Variants in SEM1 observed in about 807,000 individuals in gnomAD.
SEM1 encodes SEM1 26S proteasome subunit, also known as 26S proteasome complex subunit SEM1.
A neutral mutation model predicts 12.7 loss-of-function variants in SEM1; 3 were observed. That is an observed-to-expected ratio of 0.24 (90% CI 0.11 to 0.61). The LOEUF (loss-of-function observed/expected upper bound fraction) is 0.61. Ranked by LOEUF, SEM1 falls within the 20% of genes least tolerant of loss-of-function variation. The pLI is 0.88. For synonymous variants in SEM1, 30 were observed against 27.8 expected, an observed-to-expected ratio of 1.08 and a Z score of -0.25; for missense variants, 59 against 81.3, an observed-to-expected ratio of 0.73 and a Z score of 1.06.
intron 2 of SEM1, among the ~76,000 whole-genome samples, chr7:96,599,710 C>G (rs1455711110): frequency 2.6e-5 from 4 of 152,202 alleles, no homozygotes; most frequent in Non-Finnish European, 5.9e-5. Context: ...TCCTGCCCTT[C>G]TGACCCACAC....
chr7:96,619,581 T>C (rs1449418473), downstream of SEM1, among the ~76,000 whole-genome samples: 1 of 152,116 alleles, frequency 6.6e-6, no homozygotes, highest in Non-Finnish European at 1.5e-5. Context: ...TCCAGGTGGC[T>C]TGCTTGGAAG....
chr7:96,528,379 A>G (rs1804537612), intron 2 of SEM1, among the ~76,000 whole-genome samples: 1 of 152,036 alleles, frequency 6.6e-6, no homozygotes, highest in Non-Finnish European at 1.5e-5. Flanking sequence ...TTTACTAGAG[A>G]CTGGGTTTCA....
intron 2 of SEM1, among the ~76,000 whole-genome samples, chr7:96,516,650 C>T (rs572253674): frequency 6.6e-6 from 1 of 152,278 alleles, no homozygotes; most frequent in East Asian, 1.9e-4. Flanking sequence ...TAAAATGGTA[C>T]AGCCACTTTG....
At chr7:96,572,930 G>C (rs147252204) in intron 2 of SEM1, among the ~76,000 whole-genome samples, 1 of 152,042 alleles carries the variant, frequency 6.6e-6, no homozygotes, top group African/African-American at 2.4e-5. Context: ...TCTCTTTGTA[G>C]GTCTCTAAGA....
downstream of SEM1, among the ~76,000 whole-genome samples, chr7:96,685,973 A>G (rs62470381): frequency 0.088 from 13,318 of 152,058 alleles, 731 homozygotes; most frequent in East Asian, 0.14. Context: ...ATCAGAACTC[A>G]TGCACTTTCC....
chr7:96,614,530 C>T (rs1415629043), intron 2 of SEM1, among the ~76,000 whole-genome samples: 1 of 152,190 alleles, frequency 6.6e-6, no homozygotes, highest in Non-Finnish European at 1.5e-5. Context: ...ACTTTTGCTG[C>T]TGCTTCTTGC....
chr7:96,668,895 C>T (rs900642058), downstream of SEM1, among the ~76,000 whole-genome samples: 1 of 152,088 alleles, frequency 6.6e-6, no homozygotes, highest in African/African-American at 2.4e-5. Context: ...GAAGATGGCC[C>T]CCTGAAGACA....
intron 2 of SEM1, among the ~76,000 whole-genome samples, chr7:96,601,350 G>A (rs1401596712): frequency 6.6e-6 from 1 of 152,136 alleles, no homozygotes; most frequent in Non-Finnish European, 1.5e-5. Flanking sequence ...AAAGTCAATT[G>A]GGGTAATAGG....
At chr7:96,484,949 A>G in intron 2 of SEM1, 1 of 709,430 alleles carries the variant, frequency 1.4e-6, no homozygotes. Context: ...TCCTACAGTC[A>G]GCTGTTATTC....
At chr7:96,616,390 T>C (rs773171409) in intron 2 of SEM1, among the ~76,000 whole-genome samples, 2 of 152,180 alleles carry the variant, frequency 1.3e-5, no homozygotes, top group Non-Finnish European at 2.9e-5. Context: ...AATGGTTTTT[T>C]TTCAGTGTTT....
At chr7:96,495,626 G>T (rs1803210191) in intron 1 of SEM1, among the ~76,000 whole-genome samples, 1 of 152,122 alleles carries the variant, frequency 6.6e-6, no homozygotes, top group African/African-American at 2.4e-5. Context: ...GTCAGGAAAT[G>T]ATCAGTATTG....
chr7:96,634,055 A>G (rs4729272), intron 2 of SEM1, among the ~76,000 whole-genome samples: 145,090 of 152,158 alleles, frequency 0.95, 69,553 homozygotes, highest in East Asian at 1. Context: ...TCCTTGTGTG[A>G]GCAATATGCT....
chr7:96,623,579 A>G (rs994489178), intron 2 of SEM1, among the ~76,000 whole-genome samples: 4 of 148,170 alleles, frequency 2.7e-5, no homozygotes, highest in African/African-American at 9.8e-5. Context: ...GTACTTGTTT[A>G]TTATATATAA....
intron 1 of SEM1, among the ~76,000 whole-genome samples, chr7:96,698,508 A>G (rs571248643): frequency 5.9e-5 from 9 of 152,260 alleles, no homozygotes; most frequent in African/African-American, 2.2e-4. Flanking sequence ...GAGTGAGAAC[A>G]TGCGGTGTTA....
chr7:96,632,523 G>A (rs1181546280), intron 2 of SEM1, among the ~76,000 whole-genome samples: 1 of 152,026 alleles, frequency 6.6e-6, no homozygotes, highest in Non-Finnish European at 1.5e-5. Context: ...TGGATACAGG[G>A]AGGGGAACAT....
At chr7:96,509,087 A>T (rs899957848) in intron 2 of SEM1, among the ~76,000 whole-genome samples, 1 of 151,512 alleles carries the variant, frequency 6.6e-6, no homozygotes, top group African/African-American at 2.4e-5. Flanking sequence ...CCCAGGTTCA[A>T]GTGATTCTCG....
chr7:96,687,924 A>G (rs1248449749), downstream of SEM1: 1 of 152,136 alleles, frequency 6.6e-6, no homozygotes, highest in Non-Finnish European at 1.5e-5. Flanking sequence ...GCTTGTCTTA[A>G]AAACAGAAAC....
intron 2 of SEM1, among the ~76,000 whole-genome samples, chr7:96,634,814 A>C (rs1015723578): frequency 6.6e-6 from 1 of 151,978 alleles, no homozygotes; most frequent in African/African-American, 2.4e-5. Context: ...GGGGGCGAGA[A>C]TATGTGAGGT....
chr7:96,617,075 C>A (rs1201104503), intron 2 of SEM1, among the ~76,000 whole-genome samples: 1 of 151,884 alleles, frequency 6.6e-6, no homozygotes, highest in Non-Finnish European at 1.5e-5. Flanking sequence ...TTTTCTAATT[C>A]TCTGAAAAAA....
Sources: gnomAD v4.1 joint callset for allele counts (sites outside exome capture counted in the v4.1 genomes callset) on GRCh38, gnomAD v4.1.1 for gene constraint, MANE v1.5 for transcripts, NCBI Gene and HGNC (gene_info 2026-07-23, HGNC 2026-07-21) for gene names.